The following PTPRD variants were observed in gnomAD, a reference collection of about 807,000 sequenced individuals.
The protein encoded by PTPRD is receptor-type tyrosine-protein phosphatase delta.
In PTPRD, 34 loss-of-function variants were observed where a neutral mutation model predicts 214.5. The observed-to-expected ratio is 0.16, with a 90% CI of 0.12 to 0.21. The LOEUF (loss-of-function observed/expected upper bound fraction) is 0.21. PTPRD is among the 10% of genes least tolerant of loss of function. The probability of loss-of-function intolerance (pLI) is 1.00; values close to 1 mark genes in which losing one functional copy is unlikely to be tolerated. For synonymous variants in PTPRD, 1,128 were observed against 845.7 expected, an observed-to-expected ratio of 1.33 and a Z score of -5.79; for missense variants, 2,545 against 2,398.7, an observed-to-expected ratio of 1.06 and a Z score of -1.27.
chr9:9,132,062 C>T (rs1414441081), intron 10 of PTPRD, among the ~76,000 whole-genome samples: 1 of 152,108 alleles, frequency 6.6e-6, no homozygotes. Context: ...GGCTGGAGTG[C>T]AGTGGCACGA....
chr9:9,738,693 C>T lies in PTPRD; in HGVS notation c.-325-4122G>A, dbSNP rs574656034. Among the ~76,000 whole-genome samples the T allele has an allele frequency of 5.9e-5, 9 of 152,092 alleles. No homozygotes were observed. The East Asian group carries it at 7.7e-4, about 13-fold the overall frequency. On this transcript the variant is annotated intron_variant, in intron 6 of 45. Coordinates refer to ENST00000381196, the MANE Select transcript of PTPRD (RefSeq NM_002839.4). Reference sequence around the variant, plus strand: ...CTGACCTCAAGTGATCTGCCTGCCTCGGCCTCCCAAAGTGCTGGGATTACA... The same window carrying T: ...CTGACCTCAAGTGATCTGCCTGCCTTGGCCTCCCAAAGTGCTGGGATTACA...
intron 41 of PTPRD, among the ~76,000 whole-genome samples, chr9:8,340,714 C>T (rs936794319): frequency 2.6e-5 from 4 of 151,808 alleles, no homozygotes; most frequent in African/African-American, 9.7e-5. Context: ...TGAATTTTAG[C>T]GCAATGCTAA....
intron 10 of PTPRD, among the ~76,000 whole-genome samples, chr9:9,062,154 C>T (rs965074008): frequency 3.3e-5 from 5 of 152,166 alleles, no homozygotes; most frequent in African/African-American, 1.2e-4. Flanking sequence ...TTTACTTACA[C>T]TGTTTTCCAA....
intron 5 of PTPRD, among the ~76,000 whole-genome samples, chr9:9,829,495 G>C: frequency 6.6e-6 from 1 of 151,726 alleles, no homozygotes; most frequent in East Asian, 1.9e-4. Flanking sequence ...TGATCCTAGA[G>C]AAAAATTCCT....
chr9:10,532,888 T>C (rs992032207), intron 2 of PTPRD, among the ~76,000 whole-genome samples: 2 of 151,906 alleles, frequency 1.3e-5, no homozygotes, highest in Non-Finnish European at 2.9e-5. Flanking sequence ...CAGAAAGCCA[T>C]CTGCTATTTT....
rs1014532277 is a variant in PTPRD at position 10,420,401 on chromosome 9, T to C, written c.-599-79384A>G. 3.9e-5 allele frequency among the ~76,000 whole-genome samples: 6 copies of C among 151,912 alleles called. No homozygotes were observed. In the Admixed American group the frequency reaches 4.0e-4, roughly 10 times the overall value. On this transcript the variant is annotated intron_variant, in intron 2 of 45. Coordinates refer to ENST00000381196, the MANE Select transcript of PTPRD (RefSeq NM_002839.4). The stretch of plus-strand genomic sequence containing the variant: ...ATCCTTTCATTTTCATAGGACATAA[T>C]TCACCTTGACTTAGAGATTAGAACT...
chr9:10,063,246 T>A (rs1013651335), intron 3 of PTPRD, among the ~76,000 whole-genome samples: 10 of 152,086 alleles, frequency 6.6e-5, no homozygotes, highest in Non-Finnish European at 1.5e-4. Context: ...AACCAATTCA[T>A]ACTGACATAG....
At chr9:10,207,030 G>C (rs2099486300) in intron 3 of PTPRD, among the ~76,000 whole-genome samples, 2 of 152,056 alleles carry the variant, frequency 1.3e-5, no homozygotes, top group Non-Finnish European at 2.9e-5. Context: ...CCAAACTTAA[G>C]TATATGAGCT....
intron 11 of PTPRD, among the ~76,000 whole-genome samples, chr9:8,843,895 T>C (rs2097626459): frequency 6.6e-6 from 1 of 152,180 alleles, no homozygotes; most frequent in South Asian, 2.1e-4. Context: ...TCTTCAATTT[T>C]TGGGATCTTA....
intron 5 of PTPRD, among the ~76,000 whole-genome samples, chr9:9,876,436 T>C (rs1341608139): frequency 6.6e-6 from 1 of 152,094 alleles, no homozygotes; most frequent in African/African-American, 2.4e-5. Context: ...AACGGAGCTG[T>C]GAATGTCTCT....
At chr9:9,942,995 A>T (rs908806543) in intron 4 of PTPRD, among the ~76,000 whole-genome samples, 2 of 151,544 alleles carry the variant, frequency 1.3e-5, no homozygotes, top group African/African-American at 2.4e-5. Context: ...CTCTGGTGGC[A>T]TTCTGCTCCA....
At chr9:9,120,465 G>A (rs995723798) in intron 10 of PTPRD, among the ~76,000 whole-genome samples, 1 of 152,144 alleles carries the variant, frequency 6.6e-6, no homozygotes, top group East Asian at 1.9e-4. Flanking sequence ...GTATACATAC[G>A]TGACATATGG....
chr9:9,493,885 T>C (rs1237608476), intron 8 of PTPRD, among the ~76,000 whole-genome samples: 2 of 151,914 alleles, frequency 1.3e-5, no homozygotes, highest in African/African-American at 4.8e-5. Context: ...TTGACCTGGA[T>C]AAAACCTAAA....
chr9:9,570,794 A>G (rs137872699), intron 8 of PTPRD, among the ~76,000 whole-genome samples: 2 of 151,536 alleles, frequency 1.3e-5, no homozygotes, highest in Admixed American at 1.3e-4. Flanking sequence ...AAGCAGAAAG[A>G]AAAAAACAGG....
intron 9 of PTPRD, among the ~76,000 whole-genome samples, chr9:9,239,535 T>C (rs1317170924): frequency 1.3e-5 from 2 of 152,148 alleles, no homozygotes; most frequent in Non-Finnish European, 2.9e-5. Flanking sequence ...TTCTGTGATA[T>C]TTTTGATACT....
intron 3 of PTPRD, among the ~76,000 whole-genome samples, chr9:10,216,264 C>G (rs779283032): frequency 4.6e-5 from 7 of 151,784 alleles, no homozygotes; most frequent in Non-Finnish European, 8.8e-5. Context: ...CCTGGCCTCA[C>G]TGCAGTTTCA....
chr9:9,830,893 G>C (rs930990837), intron 5 of PTPRD, among the ~76,000 whole-genome samples: 4 of 151,572 alleles, frequency 2.6e-5, no homozygotes, highest in Non-Finnish European at 4.4e-5. Context: ...CTGTTTCTTA[G>C]AATCAAAATT....
At chr9:10,283,233 G>A (rs567913837) in intron 3 of PTPRD, among the ~76,000 whole-genome samples, 21 of 151,872 alleles carry the variant, frequency 1.4e-4, no homozygotes, top group Admixed American at 5.2e-4. Context: ...CCCAAAACTA[G>A]GACACATGTC....
At chr9:10,462,009 G>A (rs1321470376) in intron 2 of PTPRD, among the ~76,000 whole-genome samples, 2 of 152,108 alleles carry the variant, frequency 1.3e-5, no homozygotes, top group Non-Finnish European at 2.9e-5. Flanking sequence ...GGCTGTGGGA[G>A]GCAGAAGCTA....
Sources: gnomAD v4.1 joint callset for allele counts (sites outside exome capture counted in the v4.1 genomes callset) on GRCh38, gnomAD v4.1.1 for gene constraint, MANE v1.5 for transcripts, NCBI Gene and HGNC (gene_info 2026-07-23, HGNC 2026-07-21) for gene names.